The following CAST variants were observed in gnomAD, a reference collection of about 807,000 sequenced individuals.
CAST encodes MIR583 host.
A neutral mutation model predicts 119.6 loss-of-function variants in CAST; 76 were observed. The observed-to-expected ratio is 0.64, with a 90% CI of 0.53 to 0.77. The LOEUF is 0.77. Among genes scored for constraint, CAST ranks in the 30% least tolerant of loss-of-function variants. The pLI is 0.00. For missense variants in CAST, 953 were observed against 946.5 expected (o/e 1.01, Z -0.09); for synonymous variants, 319 against 331.6 (o/e 0.96, Z 0.41).
At chr5:96,223,051 G>A in the CAST span, among the ~76,000 whole-genome samples, 1 of 152,124 alleles carries the variant, frequency 6.6e-6, no homozygotes, top group Admixed American at 6.6e-5. Flanking sequence ...TCACTCATAT[G>A]TGGAAGCTAA....
the CAST span, among the ~76,000 whole-genome samples, chr5:96,058,306 A>G: frequency 6.6e-6 from 1 of 152,164 alleles, no homozygotes; most frequent in Non-Finnish European, 1.5e-5. Context: ...TAAAGGCTCA[A>G]TCCTATTGCT....
the CAST span, among the ~76,000 whole-genome samples, chr5:96,337,821 CTCT>C: frequency 4.6e-5 from 7 of 152,218 alleles, no homozygotes; most frequent in Non-Finnish European, 7.3e-5. Context: ...TTTTACTTCT[CTCT>C]TCATTAGTTT....
intron 17 of CAST, among the ~76,000 whole-genome samples, 185 bp from the exon 18 acceptor site, chr5:96,747,160 G>A (rs187670304): frequency 9.9e-5 from 15 of 151,944 alleles, no homozygotes; most frequent in Admixed American, 3.9e-4. Flanking sequence ...GTAACATCTC[G>A]ATTTTTATAG....
the CAST span, among the ~76,000 whole-genome samples, chr5:96,412,752 G>GTCTTTT: frequency 1.4e-5 from 1 of 71,832 alleles, no homozygotes; most frequent in African/African-American, 9.0e-5. Flanking sequence ...CAGCTGTGAT[G>GTCTTTT]TTTTTTTTTT....
the CAST span, among the ~76,000 whole-genome samples, chr5:96,372,791 G>A: frequency 6.6e-6 from 1 of 152,014 alleles, no homozygotes; most frequent in Admixed American, 6.6e-5. Flanking sequence ...CTCTTTCCTG[G>A]CTTTATGGAT....
chr5:96,660,404 G>A (rs561550945), upstream of CAST, among the ~76,000 whole-genome samples: 182 of 152,192 alleles, frequency 1.2e-3, no homozygotes, highest in Non-Finnish European at 1.9e-3. Flanking sequence ...GTCAGTCCCT[G>A]GAGGACAGGC....
intron 1 of CAST, among the ~76,000 whole-genome samples, chr5:96,571,915 G>A (rs1435092005): frequency 6.6e-6 from 1 of 152,178 alleles, no homozygotes; most frequent in East Asian, 1.9e-4. Flanking sequence ...AGTGCTCAAT[G>A]TGTATCATTA....
intron 1 of CAST, among the ~76,000 whole-genome samples, chr5:96,665,375 T>A (rs1183001257): frequency 1.3e-5 from 2 of 152,224 alleles, no homozygotes; most frequent in Non-Finnish European, 2.9e-5. Context: ...ATATTTTACA[T>A]TCTTTTTTAT....
chr5:96,727,496 A>G lies in CAST; in HGVS notation c.344A>G (p.Lys115Arg), dbSNP rs1759489438. The G allele has an allele frequency of 6.4e-7, 1 of 1,554,510 alleles. No individual in the cohort carries two copies. Among genetic ancestry groups the G allele is most frequent in the African/African-American group, 1.4e-5 (1 of 72,802 alleles). ...NKKKHKKQAV[K>R]TEPEKKSQST... ...CTTTTTTTCTGAACTTAGGCTGTAA[A>G]AACAGAACCTGAGAAGAAGTCACAG... is the stretch of plus-strand genomic sequence containing the variant. Residue 115 changes from lysine (K) to arginine (R), a missense_variant, in exon 6 of 32, where the codon AAA (lysine) becomes AGA (arginine). By Grantham distance (26) the Lys-to-Arg change is conservative (BLOSUM62 2). Transcript: ENST00000675179.
chr5:96,314,569 G>A, the CAST span, among the ~76,000 whole-genome samples: 2 of 152,146 alleles, frequency 1.3e-5, no homozygotes, highest in African/African-American at 4.8e-5. Context: ...GTACAAGTTT[G>A]TTTATTTGTT....
the CAST span, among the ~76,000 whole-genome samples, chr5:96,195,206 C>T: frequency 7.9e-5 from 12 of 152,272 alleles, no homozygotes; most frequent in South Asian, 4.1e-4. Flanking sequence ...ATGTGATTAC[C>T]CTCCTCCAGA....
the CAST span, among the ~76,000 whole-genome samples, chr5:96,439,728 G>C: frequency 6.6e-6 from 1 of 152,060 alleles, no homozygotes; most frequent in African/African-American, 2.4e-5. Flanking sequence ...TGCCACTGAG[G>C]GATAAATAAT....
the CAST span, among the ~76,000 whole-genome samples, chr5:96,036,718 G>T: frequency 1.4e-3 from 218 of 152,222 alleles, 1 homozygote; most frequent in African/African-American, 5.0e-3. Flanking sequence ...TAATATTTAA[G>T]ACCATACAAA....
At chr5:96,731,749 G>A (rs542772549) in intron 9 of CAST, among the ~76,000 whole-genome samples, 2,595 of 147,160 alleles carry the variant, frequency 0.018, 64 homozygotes, top group African/African-American at 0.06. Context: ...GAGAATATGC[G>A]GTGTTTGGTT....
the CAST span, among the ~76,000 whole-genome samples, chr5:96,042,256 A>G: frequency 6.6e-6 from 1 of 152,154 alleles, no homozygotes; most frequent in Non-Finnish European, 1.5e-5. Context: ...ACCTCTAGAG[A>G]TTTCCTAGTT....
the CAST span, among the ~76,000 whole-genome samples, chr5:96,478,919 G>C: frequency 2.0e-5 from 3 of 152,218 alleles, no homozygotes; most frequent in Non-Finnish European, 2.9e-5. Flanking sequence ...CAGGTCACAG[G>C]ATAACTGATA....
chr5:96,530,007 C>G (rs1745661928), intron 1 of CAST: 1 of 210,154 alleles, frequency 4.8e-6, no homozygotes, highest in Non-Finnish European at 9.9e-6. Context: ...GTGTCCAGCA[C>G]CACGCTAGTG....
At chr5:96,430,029 TA>T in the CAST span, among the ~76,000 whole-genome samples, 1 of 152,242 alleles carries the variant, frequency 6.6e-6, no homozygotes, top group Non-Finnish European at 1.5e-5. Context: ...CACTTTCCAC[TA>T]AAATAAATTA....
the CAST span, among the ~76,000 whole-genome samples, chr5:96,052,003 G>T: frequency 6.6e-6 from 1 of 152,050 alleles, no homozygotes; most frequent in African/African-American, 2.4e-5. Flanking sequence ...ATTTAGGATC[G>T]TGCTTACTCA....
Sources: gnomAD v4.1 joint callset for allele counts (sites outside exome capture counted in the v4.1 genomes callset) on GRCh38, gnomAD v4.1.1 for gene constraint, MANE v1.5 for transcripts, NCBI Gene and HGNC (gene_info 2026-07-23, HGNC 2026-07-21) for gene names.